CPEB4: variants seen among roughly 807,000 people sequenced by gnomAD.
The protein encoded by CPEB4 is cytoplasmic polyadenylation element binding protein 4.
A neutral mutation model predicts 72.5 loss-of-function variants in CPEB4; 12 were observed. The ratio of observed to expected loss-of-function variants is 0.17; its 90% confidence interval spans 0.11 to 0.27. The LOEUF is 0.27. Among genes scored for constraint, CPEB4 ranks in the 10% least tolerant of loss-of-function variants. The pLI, the probability that CPEB4 is intolerant of heterozygous loss-of-function variation, is 1.00. For missense variants in CPEB4, 614 were observed against 908.5 expected (o/e 0.68, Z 4.17); for synonymous variants, 302 against 326.3 (o/e 0.93, Z 0.80).
intron 2 of CPEB4, among the ~76,000 whole-genome samples, chr5:173,927,845 A>G (rs1757303701): frequency 6.6e-6 from 1 of 152,218 alleles, no homozygotes. Context: ...CTGCGTGCAC[A>G]TAGATGTTTA....
Position 173,900,941 on chromosome 5 carries a change from C to T in CPEB4, c.1126-9582C>T, listed in dbSNP as rs913246204. Among the ~76,000 whole-genome samples the T allele has an allele frequency of 1.3e-5, 2 of 152,134 alleles. No homozygotes were observed. Among genetic ancestry groups the T allele is most frequent in the African/African-American group, 2.4e-5 (1 of 41,428 alleles). ...CAATGATATTGCAGCATCAAGATCA[C>T]TTGCTTAGTATGTTTGATACTTAGT... On this transcript the variant is annotated intron_variant, in intron 1 of 9. Coordinates refer to ENST00000265085, the MANE Select transcript of CPEB4 (RefSeq NM_030627.4). This position sits in a 1 kb window ranked among gnomAD's most constrained non-coding sequence, Gnocchi z 4.4.
intron 3 of CPEB4, among the ~76,000 whole-genome samples, chr5:173,938,552 C>T (rs995118694): frequency 2.0e-5 from 3 of 152,098 alleles, no homozygotes; most frequent in African/African-American, 7.2e-5. Context: ...CTGATAACAT[C>T]TTATCATCTG....
Position 173,955,512 on chromosome 5 carries a change from C to G in CPEB4, c.1963-398C>G, listed in dbSNP as rs1758351878. On this transcript the variant is annotated intron_variant, in intron 9 of 9. Coordinates refer to ENST00000265085, the MANE Select transcript of CPEB4 (RefSeq NM_030627.4). This position sits in a 1 kb window ranked among gnomAD's most constrained non-coding sequence, Gnocchi z 4.7. ...AAGTGCAGTTGTGTGGAACTTGGAT[C>G]ATCTTAGTTGATTTTGTTTAAATTA... Among the ~76,000 whole-genome samples, 2 of 152,116 alleles carry G rather than the reference C, an allele frequency of 1.3e-5. No homozygotes were observed. Among genetic ancestry groups the G allele is most frequent in the South Asian group, 4.1e-4 (2 of 4,830 alleles).
At chr5:173,953,852 T>A (rs1758289914) in intron 9 of CPEB4, among the ~76,000 whole-genome samples, 1 of 152,170 alleles carries the variant, frequency 6.6e-6, no homozygotes, top group South Asian at 2.1e-4. Context: ...ATGAGTTTAT[T>A]TCCTAGCAGA....
intron 3 of CPEB4, among the ~76,000 whole-genome samples, chr5:173,934,724 A>G (rs915030743): frequency 2.6e-5 from 4 of 152,200 alleles, no homozygotes; most frequent in African/African-American, 9.6e-5. Flanking sequence ...CGACCGACCT[A>G]TTCTCTCTCC....
intron 2 of CPEB4, among the ~76,000 whole-genome samples, chr5:173,915,465 C>T (rs62376955): frequency 3.1e-4 from 47 of 152,176 alleles, no homozygotes; most frequent in Non-Finnish European, 5.7e-4. Context: ...TTATTTTTAT[C>T]CGCGAAATTG....
chr5:173,928,921 A>G (rs1389354962), intron 2 of CPEB4, among the ~76,000 whole-genome samples: 1 of 152,232 alleles, frequency 6.6e-6, no homozygotes, highest in East Asian at 1.9e-4. Flanking sequence ...CAGTTTCTTA[A>G]TGTCACTTAT....
At chr5:173,905,687 T>C (rs1417842318) in intron 1 of CPEB4, among the ~76,000 whole-genome samples, 1 of 152,210 alleles carries the variant, frequency 6.6e-6, no homozygotes, top group East Asian at 1.9e-4. Context: ...TGCCTTTTTG[T>C]GGGCAAAAGT....
rs545108383 is a variant in CPEB4 at position 173,890,015 on chromosome 5, G to A, written c.282G>A (p.Gln94=). 75 of 1,614,178 alleles carry A rather than the reference G, an allele frequency of 4.6e-5. No individual in the cohort carries two copies. The South Asian group carries it at 7.4e-4, about 16-fold the overall frequency. ...AACAGCAAGACCCCTTAGAAAAGCA[G>A]CAGCTTTCCCCAAGTCCAGGTCAGG... ...QQEQQDPLEK[Q]QLSPSPGQEA... Residue 94 remains glutamine, a synonymous_variant, in exon 1 of 10, where the codon CAG becomes CAA. Transcript: ENST00000265085.
intron 1 of CPEB4, among the ~76,000 whole-genome samples, chr5:173,894,354 C>T (rs2113122484): frequency 6.6e-6 from 1 of 152,222 alleles, no homozygotes; most frequent in South Asian, 2.1e-4. Flanking sequence ...GGTGCGGTAG[C>T]TGACGCCTGT....
At chr5:173,943,105 T>TC in intron 4 of CPEB4, 56 bp downstream of exon 4, 1 of 1,555,564 alleles carries the variant, frequency 6.4e-7, no homozygotes, top group Non-Finnish European at 8.8e-7. Context: ...CGACCCAAGC[T>TC]TGTTTAATTT....
In CPEB4 at chr5:173,900,066, A is replaced by T. The variant is rs1422292595; in HGVS notation, c.1125+9208A>T. 1.3e-5 allele frequency among the ~76,000 whole-genome samples: 2 copies of T among 152,106 alleles called. No homozygotes were observed. The highest frequency in any genetic ancestry group is 1.3e-4 in the Admixed American group (2 of 15,248). ...TTGAGATCACTGTCAAGGCTCACAG[A>T]AGAGATGTCGAGGGTTACAAGACAT... On this transcript the variant is annotated intron_variant, in intron 1 of 9. Transcript: ENST00000265085. The surrounding 1 kb of genome is among the most constrained non-coding windows in gnomAD (Gnocchi z 4.4).
At position 173,900,392 on chromosome 5, in the gene CPEB4, C is replaced by T. The variant is rs1251434922; in HGVS notation, c.1125+9534C>T. ...TGCACTCCAGCCTGGACAACAACAG[C>T]GGAACTCTGTCTCAAAAAAAAAAAA... On this transcript the variant is annotated intron_variant, in intron 1 of 9. Coordinates refer to ENST00000265085, the MANE Select transcript of CPEB4 (RefSeq NM_030627.4). This position sits in a 1 kb window ranked among gnomAD's most constrained non-coding sequence, Gnocchi z 4.4. Among the ~76,000 whole-genome samples, 4 of 151,028 alleles carry T rather than the reference C, an allele frequency of 2.6e-5. No individual in the cohort carries two copies. The highest frequency in any genetic ancestry group is 6.6e-5 in the Admixed American group (1 of 15,122).
At chr5:173,944,450 G>C (rs1757946588) in intron 4 of CPEB4, among the ~76,000 whole-genome samples, 1 of 146,378 alleles carries the variant, frequency 6.8e-6, no homozygotes. Context: ...ACTCCAGCCT[G>C]GGTAAAAGAG....
At chr5:173,938,264 T>A (rs934333013) in intron 3 of CPEB4, among the ~76,000 whole-genome samples, 1 of 152,132 alleles carries the variant, frequency 6.6e-6, no homozygotes, top group Non-Finnish European at 1.5e-5. Context: ...CTCGCTCTGT[T>A]GCCCAGGCTG....
chr5:173,890,482 G>A lies in CPEB4; in HGVS notation c.749G>A (p.Arg250Lys). The change falls in exon 1 of 10, where the codon AGG becomes AAG. Residue 250 changes from arginine to lysine, a missense_variant. Around this residue, in one of 5 missense-constraint regions of CPEB4, gnomAD observed 458 missense variants for 548.6 expected, o/e 0.83. Transcript: ENST00000265085. ...CATCACAGCCAGCATCAGCAGCAAAGGAGGTCTCCTGCCAGTCCCCATCCC... is the reference window on the plus strand; with the variant it reads ...CATCACAGCCAGCATCAGCAGCAAAAGAGGTCTCCTGCCAGTCCCCATCCC... ...QHHHSQHQQQ[R>K]RSPASPHPPP... 1 of 1,611,632 alleles carries A rather than the reference G, an allele frequency of 6.2e-7. No individual in the cohort carries two copies. The highest frequency in any genetic ancestry group is 1.1e-5 in the South Asian group (1 of 90,630).
Position 173,932,441 on chromosome 5 carries a change from T to A in CPEB4, c.1208-9T>A, listed in dbSNP as rs1433121305. On this transcript the variant is annotated splice_polypyrimidine_tract_variant and intron_variant, in intron 2 of 9. Transcript: ENST00000265085. ...AGTAAACTTAGTAACGGCCTTCTTT[T>A]ACCTTCAGGTCGTCTAAACTATTCA... The A allele has an allele frequency of 6.2e-7, 1 of 1,608,954 alleles. No individual in the cohort carries two copies. Among genetic ancestry groups the A allele is most frequent in the Non-Finnish European group, 8.5e-7 (1 of 1,177,378 alleles).
At chr5:173,898,907 C>G (rs1470336382) in intron 1 of CPEB4, among the ~76,000 whole-genome samples, 4 of 152,242 alleles carry the variant, frequency 2.6e-5, no homozygotes, top group African/African-American at 9.6e-5. Flanking sequence ...CTCAGGTGAT[C>G]CGCTCGCTTT....
At chr5:173,925,394 T>C (rs1273480219) in intron 2 of CPEB4, among the ~76,000 whole-genome samples, 1 of 152,178 alleles carries the variant, frequency 6.6e-6, no homozygotes, top group African/African-American at 2.4e-5. Flanking sequence ...TGATTTTGCA[T>C]GGGAATGTCT....
Sources: gnomAD v4.1 joint callset for allele counts (sites outside exome capture counted in the v4.1 genomes callset) on GRCh38, gnomAD v4.1.1 for gene constraint, gnomAD v4.1.1 regional missense constraint, Gnocchi (gnomAD v3.1) non-coding constraint, MANE v1.5 for transcripts, NCBI Gene and HGNC (gene_info 2026-07-23, HGNC 2026-07-21) for gene names.